Variants in DNAI1 observed in about 807,000 individuals in gnomAD.
The protein encoded by DNAI1 is dynein, axonemal, intermediate polypeptide 1.
Under a neutral mutation model 92.0 loss-of-function variants are expected in DNAI1, and 67 were observed. That is an observed-to-expected ratio of 0.73 (90% CI 0.60 to 0.89). The LOEUF is 0.89. DNAI1 is among the 40% of genes least tolerant of loss of function. DNAI1 has a pLI of 0.00. For synonymous variants in DNAI1, 323 were observed against 319.6 expected (o/e 1.01, Z -0.11); for missense variants, 839 against 866.6 (o/e 0.97, Z 0.40).
intron 1 of DNAI1, among the ~76,000 whole-genome samples, chr9:34,472,282 AAATG>A (rs1824151648): frequency 6.6e-6 from 1 of 152,242 alleles, no homozygotes. Flanking sequence ...ACAGATGCAG[AAATG>A]AAGTTTAGGG....
chr9:34,470,350 G>C (rs1824114793), intron 1 of DNAI1, among the ~76,000 whole-genome samples: 1 of 152,162 alleles, frequency 6.6e-6, no homozygotes, highest in Admixed American at 6.6e-5. Flanking sequence ...ACAACTATAT[G>C]TTGCCTGTTA....
intron 19 of DNAI1, among the ~76,000 whole-genome samples, chr9:34,520,357 T>C (rs1313049259): frequency 6.6e-6 from 1 of 152,172 alleles, no homozygotes; most frequent in African/African-American, 2.4e-5. Context: ...TGGAAGGTTG[T>C]TCCCCTGAGG....
intron 18 of DNAI1, among the ~76,000 whole-genome samples, chr9:34,516,899 C>G (rs1008400744): frequency 2.0e-5 from 3 of 151,842 alleles, no homozygotes; most frequent in African/African-American, 4.8e-5. Flanking sequence ...ACCACCACGC[C>G]CATCTAATTT....
intron 12 of DNAI1, among the ~76,000 whole-genome samples, chr9:34,505,120 T>A (rs10814117): frequency 0.2 from 29,762 of 152,120 alleles, 3,449 homozygotes; most frequent in African/African-American, 0.33. Flanking sequence ...ACAAATTTAA[T>A]GGCTTAAAAT....
intron 4 of DNAI1, among the ~76,000 whole-genome samples, chr9:34,486,708 GACC>G (rs1315070680): frequency 3.3e-5 from 5 of 152,046 alleles, no homozygotes; most frequent in African/African-American, 1.2e-4. Context: ...GTTGTACAAT[GACC>G]ACCACAATTT....
Position 34,517,324 on chromosome 9 carries a change from A to G in DNAI1, c.1858A>G (p.Ile620Val). 2.5e-6 allele frequency: 4 copies of G among 1,614,116 alleles called. No homozygotes were observed. Among genetic ancestry groups the G allele is most frequent in the Non-Finnish European group, 3.4e-6 (4 of 1,180,018 alleles). ...FDLAINKYEA[I>V]CNQPVAAKKN... The stretch of plus-strand genomic sequence containing the variant: ...CTTAGCCATCAACAAGTATGAGGCC[A>G]TCTGCAACCAGCCTGTGGCGGCCAA... Residue 620 changes from isoleucine to valine, a missense_variant, in exon 19 of 20, where the codon ATC becomes GTC. Coordinates refer to ENST00000242317, the MANE Select transcript of DNAI1 (RefSeq NM_012144.4).
intron 4 of DNAI1, among the ~76,000 whole-genome samples, chr9:34,486,150 T>A (rs1824465518): frequency 6.6e-6 from 1 of 152,186 alleles, no homozygotes. Flanking sequence ...TGAAGAGAAT[T>A]TCCGAGTACA....
At chr9:34,497,047 A>G (rs532149963) in intron 9 of DNAI1, 68 bp from the exon 10 acceptor site, 4 of 1,197,114 alleles carry the variant, frequency 3.3e-6, no homozygotes, top group African/African-American at 1.5e-5. Flanking sequence ...CAAGGGTGAC[A>G]TGGCTCAGGA....
At chr9:34,515,861 CTG>C (rs747002443) in intron 18 of DNAI1, among the ~76,000 whole-genome samples, 3 of 152,134 alleles carry the variant, frequency 2.0e-5, no homozygotes, top group Non-Finnish European at 2.9e-5. Context: ...GGTTGCATAA[CTG>C]TGAATATACT....
In DNAI1 at chr9:34,501,140, A is replaced by T. The variant is rs1331115811; in HGVS notation, c.1022A>T (p.Asn341Ile). The change falls in exon 12 of 20, where the codon AAT (asparagine) becomes ATT (isoleucine). Residue 341 changes from asparagine (N) to isoleucine (I), a missense_variant and splice_region_variant. Coordinates refer to ENST00000242317, the MANE Select transcript of DNAI1 (RefSeq NM_012144.4). Reference protein sequence around the residue: ...KRLSVTALCWNPKYRDLFAVG... With the variant: ...KRLSVTALCWIPKYRDLFAVG... ...TGGATTCATATTTTTTTTTGCAGGA[A>T]TCCAAAGTACAGGGATCTGTTTGCA... The T allele has an allele frequency of 6.2e-7, 1 of 1,613,566 alleles. No individual in the cohort carries two copies. Among genetic ancestry groups the T allele is most frequent in the Admixed American group, 1.7e-5 (1 of 60,012 alleles).
At chr9:34,481,846 A>G (rs1230254417) in intron 1 of DNAI1, among the ~76,000 whole-genome samples, 2 of 152,246 alleles carry the variant, frequency 1.3e-5, no homozygotes, top group African/African-American at 4.8e-5. Flanking sequence ...AAGAGTGAGC[A>G]GTAGCAAGAT....
intron 1 of DNAI1, among the ~76,000 whole-genome samples, chr9:34,482,914 A>T (rs1197730349): frequency 6.6e-6 from 1 of 152,196 alleles, no homozygotes; most frequent in Non-Finnish European, 1.5e-5. Context: ...GCCCCGTGGG[A>T]AGGCAGCTAA....
intron 1 of DNAI1, among the ~76,000 whole-genome samples, chr9:34,467,452 C>G (rs1312008297): frequency 6.7e-6 from 1 of 148,728 alleles, no homozygotes; most frequent in Non-Finnish European, 1.5e-5. Flanking sequence ...CACACACACA[C>G]ACACACACAC....
chr9:34,459,977 C>T (rs967785257), intron 1 of DNAI1, among the ~76,000 whole-genome samples: 1 of 152,188 alleles, frequency 6.6e-6, no homozygotes, highest in Non-Finnish European at 1.5e-5. Context: ...CCTGTCCTCA[C>T]CCCCACAGTG....
intron 18 of DNAI1, among the ~76,000 whole-genome samples, chr9:34,515,290 T>A (rs1157058837): frequency 6.6e-6 from 1 of 152,210 alleles, no homozygotes; most frequent in African/African-American, 2.4e-5. Context: ...TGAGAAGCAC[T>A]GGCTGCCCCA....
At chr9:34,519,174 T>G (rs1825222004) in intron 19 of DNAI1, among the ~76,000 whole-genome samples, 1 of 152,082 alleles carries the variant, frequency 6.6e-6, no homozygotes, top group Admixed American at 6.5e-5. Context: ...CAAAACAAAA[T>G]CCTCTGGGCA....
intron 1 of DNAI1, among the ~76,000 whole-genome samples, chr9:34,464,575 C>T (rs1824003769): frequency 6.6e-6 from 1 of 151,684 alleles, no homozygotes; most frequent in South Asian, 2.1e-4. Context: ...TATATAGTCT[C>T]ATTGCTCTGT....
At chr9:34,468,899 T>A (rs1195127754) in intron 1 of DNAI1, among the ~76,000 whole-genome samples, 4 of 151,548 alleles carry the variant, frequency 2.6e-5, no homozygotes, top group African/African-American at 4.9e-5. Context: ...ATAATAATAA[T>A]AAAAGAGAGG....
At chr9:34,512,809 C>G (rs114042565) in intron 15 of DNAI1, among the ~76,000 whole-genome samples, 232 of 152,320 alleles carry the variant, frequency 1.5e-3, no homozygotes, top group African/African-American at 5.3e-3. Context: ...AGACCCTGTC[C>G]CTGTTTACCC....
Sources: allele counts gnomAD v4.1 joint callset (sites outside exome capture counted in the v4.1 genomes callset), GRCh38; gene constraint gnomAD v4.1.1; transcripts MANE v1.5; gene names NCBI Gene and HGNC (gene_info 2026-07-23, HGNC 2026-07-21).